Variants in ME3 observed in about 807,000 individuals in gnomAD.
The protein encoded by ME3 is malic enzyme 3.
In ME3, 48 loss-of-function variants were observed where a neutral mutation model predicts 68.9. The ratio of observed to expected loss-of-function variants is 0.70; its 90% CI spans 0.55 to 0.89. ME3 has a LOEUF of 0.89. ME3 is among the 40% of genes least tolerant of loss of function. ME3 has a pLI of 0.00. For synonymous variants in ME3, 320 were observed against 318.8 expected, an observed-to-expected ratio of 1.00 and a Z score of -0.04; for missense variants, 675 against 797.4, an observed-to-expected ratio of 0.85 and a Z score of 1.85.
intron 2 of ME3, among the ~76,000 whole-genome samples, chr11:86,616,188 A>G (rs1431570722): frequency 6.6e-6 from 1 of 152,238 alleles, no homozygotes; most frequent in African/African-American, 2.4e-5. Context: ...GGGATATGCC[A>G]TAATTTACTT....
At chr11:86,473,299 CGTT>C (rs1261670927) in intron 7 of ME3, among the ~76,000 whole-genome samples, 2 of 152,226 alleles carry the variant, frequency 1.3e-5, no homozygotes, top group South Asian at 4.1e-4. Context: ...ACATTGGAGT[CGTT>C]GTTTAGAGGA....
exon 9 of ME3, chr11:86,450,348 T>C: frequency 6.2e-7 from 1 of 1,614,146 alleles, no homozygotes; most frequent in Non-Finnish European, 8.5e-7. Context: ...AGCTTGTTCT[T>C]GGTGATTCGC....
At chr11:86,562,414 C>T (rs1435029213) in intron 2 of ME3, among the ~76,000 whole-genome samples, 1 of 152,104 alleles carries the variant, frequency 6.6e-6, no homozygotes, top group African/African-American at 2.4e-5. Context: ...TGTTGGAGTG[C>T]AACTGCTGGA....
intron 4 of ME3, among the ~76,000 whole-genome samples, chr11:86,548,196 A>C (rs1422423167): frequency 6.6e-6 from 1 of 152,222 alleles, no homozygotes; most frequent in African/African-American, 2.4e-5. Context: ...TTTCAGATGC[A>C]AATCTCAAAG....
chr11:86,637,340 C>G (rs1456252752), intron 2 of ME3, among the ~76,000 whole-genome samples: 3 of 83,282 alleles, frequency 3.6e-5, no homozygotes, highest in South Asian at 3.9e-4. Flanking sequence ...ACAACAACAA[C>G]AAGAAGCACA....
chr11:86,613,367 T>G (rs1420751856), intron 2 of ME3, among the ~76,000 whole-genome samples: 1 of 152,204 alleles, frequency 6.6e-6, no homozygotes, highest in Non-Finnish European at 1.5e-5. Flanking sequence ...AATATCATAC[T>G]GAATGGGCAA....
chr11:86,437,723 A>G (rs899506170), downstream of ME3, among the ~76,000 whole-genome samples: 1 of 152,162 alleles, frequency 6.6e-6, no homozygotes, highest in African/African-American at 2.4e-5. Flanking sequence ...GCAGTTGTAA[A>G]TGAAATTGTT....
At chr11:86,608,551 C>G (rs1343199222) in intron 2 of ME3, among the ~76,000 whole-genome samples, 1 of 152,130 alleles carries the variant, frequency 6.6e-6, no homozygotes, top group Non-Finnish European at 1.5e-5. Flanking sequence ...CAAATTCCCT[C>G]TCAGCTCCCT....
At chr11:86,575,965 G>T (rs973267946) in intron 2 of ME3, among the ~76,000 whole-genome samples, 1 of 152,102 alleles carries the variant, frequency 6.6e-6, no homozygotes, top group Non-Finnish European at 1.5e-5. Flanking sequence ...GGCAGTTCTG[G>T]GTCTGAAAGT....
At chr11:86,459,040 T>G (rs1279354843) in intron 8 of ME3, among the ~76,000 whole-genome samples, 2 of 152,210 alleles carry the variant, frequency 1.3e-5, no homozygotes, top group East Asian at 3.8e-4. Context: ...TCCCAGATCC[T>G]GGGGAAGAGT....
chr11:86,491,212 T>C (rs1951990195), intron 6 of ME3, among the ~76,000 whole-genome samples: 1 of 152,200 alleles, frequency 6.6e-6, no homozygotes, highest in African/African-American at 2.4e-5. Flanking sequence ...AAGTTGGAGT[T>C]CAAGGGTTTA....
chr11:86,450,383 G>A (rs1320133513), exon 9 of ME3: 1 of 1,614,024 alleles, frequency 6.2e-7, no homozygotes, highest in Non-Finnish European at 8.5e-7. Context: ...CCCTGCCACA[G>A]CAACGGAGGC....
intron 2 of ME3, among the ~76,000 whole-genome samples, chr11:86,563,463 T>G (rs1957336542): frequency 6.6e-6 from 1 of 152,186 alleles, no homozygotes; most frequent in Admixed American, 6.5e-5. Context: ...GACACTTATA[T>G]GTCTTCTTGT....
chr11:86,602,852 G>T (rs1242930314), intron 2 of ME3, among the ~76,000 whole-genome samples: 1 of 152,106 alleles, frequency 6.6e-6, no homozygotes, highest in East Asian at 1.9e-4. Flanking sequence ...AATGGGGAAA[G>T]GATTCCCTAT....
At chr11:86,659,014 T>G (rs947151338) in intron 2 of ME3, among the ~76,000 whole-genome samples, 3 of 152,040 alleles carry the variant, frequency 2.0e-5, no homozygotes, top group Non-Finnish European at 4.4e-5. Flanking sequence ...AGACCAAAAA[T>G]AAAAGAGATA....
At chr11:86,586,345 G>A (rs1958732981) in intron 2 of ME3, among the ~76,000 whole-genome samples, 2 of 152,194 alleles carry the variant, frequency 1.3e-5, no homozygotes, top group Admixed American at 6.5e-5. Flanking sequence ...ATTGGAGACT[G>A]TGGTGGGGTC....
At chr11:86,595,928 C>A (rs1403624450) in intron 2 of ME3, among the ~76,000 whole-genome samples, 6 of 152,220 alleles carry the variant, frequency 3.9e-5, no homozygotes, top group Non-Finnish European at 5.9e-5. Flanking sequence ...CTAATATGGT[C>A]CAGGTGTTTC....
At chr11:86,574,771 G>A (rs1006121587) in intron 2 of ME3, among the ~76,000 whole-genome samples, 3 of 152,184 alleles carry the variant, frequency 2.0e-5, no homozygotes, top group Non-Finnish European at 2.9e-5. Context: ...GACTCAGTAC[G>A]TCAACTTTCT....
chr11:86,456,280 C>G (rs1023771849), intron 8 of ME3, among the ~76,000 whole-genome samples: 1 of 152,120 alleles, frequency 6.6e-6, no homozygotes, highest in Non-Finnish European at 1.5e-5. Context: ...GCATTTGCCA[C>G]CAGATGGCGC....
Sources: allele counts gnomAD v4.1 joint callset (sites outside exome capture counted in the v4.1 genomes callset), GRCh38; gene constraint gnomAD v4.1.1; transcripts MANE v1.5; gene names NCBI Gene and HGNC (gene_info 2026-07-23, HGNC 2026-07-21).